The following ZNRF3 variants were observed in gnomAD, a reference collection of about 807,000 sequenced individuals.
ZNRF3 encodes E3 ubiquitin-protein ligase ZNRF3.
ZNRF3 carries 23 observed loss-of-function variants against 72.5 expected under a neutral mutation model. That is an observed-to-expected ratio of 0.32 (90% CI 0.23 to 0.45). The LOEUF is 0.45. Among genes scored for constraint, ZNRF3 ranks in the 20% least tolerant of loss-of-function variants. The probability of loss-of-function intolerance (pLI) is 1.00; values close to 1 mark genes in which losing one functional copy is unlikely to be tolerated. For synonymous variants in ZNRF3, 610 were observed against 545.3 expected (o/e 1.12, Z -1.65); for missense variants, 1,169 against 1,272.1 (o/e 0.92, Z 1.23).
At chr22:28,886,310 G>A (rs1452042419) in intron 1 of ZNRF3, among the ~76,000 whole-genome samples, 3 of 152,212 alleles carry the variant, frequency 2.0e-5, no homozygotes, top group Admixed American at 6.5e-5. Context: ...TTTTAGGGCC[G>A]CTGAGAGGGA....
At chr22:28,884,383 C>G (rs1473076798) in intron 1 of ZNRF3, among the ~76,000 whole-genome samples, 3 of 152,220 alleles carry the variant, frequency 2.0e-5, no homozygotes, top group African/African-American at 7.2e-5. Context: ...GGTGGAAGTC[C>G]CGGGAACTAC....
chr22:28,920,597 T>C (rs1055504489), intron 1 of ZNRF3, among the ~76,000 whole-genome samples: 4 of 152,228 alleles, frequency 2.6e-5, no homozygotes, highest in African/African-American at 9.6e-5. Context: ...TCAGTTATAT[T>C]TCAATACACA....
chr22:28,932,837 A>G (rs959472146), intron 1 of ZNRF3, among the ~76,000 whole-genome samples: 3 of 152,254 alleles, frequency 2.0e-5, no homozygotes, highest in Non-Finnish European at 2.9e-5. Flanking sequence ...GAAGAGATTC[A>G]TCAGGAGCTC....
chr22:28,932,058 G>A (rs951393078), intron 1 of ZNRF3, among the ~76,000 whole-genome samples: 1 of 152,210 alleles, frequency 6.6e-6, no homozygotes, highest in Non-Finnish European at 1.5e-5. Flanking sequence ...GGTGTAGTGC[G>A]TGGCACCTGT....
At chr22:28,925,464 T>C (rs2034583717) in intron 1 of ZNRF3, among the ~76,000 whole-genome samples, 1 of 152,144 alleles carries the variant, frequency 6.6e-6, no homozygotes, top group Non-Finnish European at 1.5e-5. Context: ...CCCATGCACA[T>C]TGAATTGTCT....
At position 28,991,448 on chromosome 22, in the gene ZNRF3, G is replaced by C. The variant is rs139570745; in HGVS notation, c.426+4247G>C. Among the ~76,000 whole-genome samples, 148 of 152,102 alleles carry C rather than the reference G, an allele frequency of 9.7e-4. 4 individuals carry two copies. In the South Asian group the frequency reaches 0.021, roughly 22 times the overall value. ...AGCCTTGGCTGACTGACCTCAGAAA[G>C]GGTACTTCATTCAGTTCTCGGTGCA... On this transcript the variant is annotated intron_variant, in intron 2 of 8. Coordinates refer to ENST00000544604, the MANE Select transcript of ZNRF3 (RefSeq NM_001206998.2).
chr22:29,013,962 G>C (rs1283203538), intron 2 of ZNRF3, among the ~76,000 whole-genome samples: 1 of 152,220 alleles, frequency 6.6e-6, no homozygotes, highest in Non-Finnish European at 1.5e-5. Context: ...ATTGGTGGTA[G>C]CCTTTCCCAG....
intron 2 of ZNRF3, among the ~76,000 whole-genome samples, chr22:28,988,017 C>T (rs919488679): frequency 6.6e-6 from 1 of 152,190 alleles, no homozygotes; most frequent in Non-Finnish European, 1.5e-5. Flanking sequence ...ATTACTTTGA[C>T]TGCAGTATAA....
chr22:28,917,791 C>T (rs1015677120), intron 1 of ZNRF3, among the ~76,000 whole-genome samples: 2 of 152,242 alleles, frequency 1.3e-5, no homozygotes, highest in African/African-American at 4.8e-5. Flanking sequence ...GGGAGGCCCC[C>T]TCCACAGGGT....
intron 1 of ZNRF3, among the ~76,000 whole-genome samples, chr22:28,948,386 G>A (rs1225110402): frequency 6.8e-6 from 1 of 147,566 alleles, no homozygotes; most frequent in Non-Finnish European, 1.5e-5. Context: ...GGGTGGTCTC[G>A]AACTCTTGGC....
Position 29,053,663 on chromosome 22 carries a change from G to GA in ZNRF3, c.*42dup, listed in dbSNP as rs2037249831. Reference sequence around the variant, plus strand: ...TTACCTGGAAATTGGGAACTGTATGGAGACTCCAAACTGACTTCTTTCAAA... The same window carrying GA: ...TTACCTGGAAATTGGGAACTGTATGGAAGACTCCAAACTGACTTCTTTCAAA... On this transcript the variant is annotated 3_prime_UTR_variant, in exon 9 of 9. Coordinates refer to ENST00000544604, the MANE Select transcript of ZNRF3 (RefSeq NM_001206998.2). 1 of 1,584,630 alleles carries GA rather than the reference G, an allele frequency of 6.3e-7. No homozygotes were observed. The highest frequency in any genetic ancestry group is 1.4e-5 in the African/African-American group (1 of 73,416).
intron 2 of ZNRF3, among the ~76,000 whole-genome samples, chr22:29,001,472 C>CTTTTTTTTTTTT (rs750297109): frequency 8.0e-6 from 1 of 125,004 alleles, no homozygotes. Context: ...ATTTTTTAAA[C>CTTTTTTTTTTTT]TTTTTTTTTT....
At chr22:29,013,818 T>C (rs1035449599) in intron 2 of ZNRF3, among the ~76,000 whole-genome samples, 7 of 152,198 alleles carry the variant, frequency 4.6e-5, no homozygotes, top group Non-Finnish European at 8.8e-5. Context: ...CGTGATGATA[T>C]GGAGTAAATT....
rs1264791178 is a variant in ZNRF3 at position 29,053,855 on chromosome 22, CAT to C, written c.*234_*235del. 6.6e-6 allele frequency: 3 copies of C among 457,754 alleles called. No individual in the cohort carries two copies. Among genetic ancestry groups the C allele is most frequent in the Admixed American group, 3.8e-5 (1 of 26,042 alleles). 28.4% of individuals were successfully genotyped at this position (457,754 alleles called of 1,614,324 possible). ...CCGAGTCCTTTGCCTCTTTTGATAA[CAT>C]GTTGTTCTGTTTTGTAAAGTGTGTG... On this transcript the variant is annotated 3_prime_UTR_variant, in exon 9 of 9. Coordinates refer to ENST00000544604, the MANE Select transcript of ZNRF3 (RefSeq NM_001206998.2).
intron 1 of ZNRF3, among the ~76,000 whole-genome samples, chr22:28,960,232 T>A (rs1003794415): frequency 6.6e-6 from 1 of 152,204 alleles, no homozygotes; most frequent in Non-Finnish European, 1.5e-5. Flanking sequence ...GTGGCTGGAC[T>A]GTGCATTTTT....
chr22:29,024,161 C>T (rs565338280), intron 2 of ZNRF3, among the ~76,000 whole-genome samples: 1 of 152,150 alleles, frequency 6.6e-6, no homozygotes, highest in South Asian at 2.1e-4. Context: ...GCAAGAAGTC[C>T]TTTTCTTAAT....
intron 1 of ZNRF3, among the ~76,000 whole-genome samples, chr22:28,954,939 C>A (rs1052666910): frequency 6.6e-6 from 1 of 151,806 alleles, no homozygotes; most frequent in Non-Finnish European, 1.5e-5. Context: ...ATCTTAAAAT[C>A]TGTGAAATGT....
intron 1 of ZNRF3, among the ~76,000 whole-genome samples, chr22:28,937,888 A>G (rs960817956): frequency 1.3e-5 from 2 of 152,194 alleles, no homozygotes; most frequent in African/African-American, 4.8e-5. Flanking sequence ...TTCTTTTGGA[A>G]TAGTTTTAGA....
intron 1 of ZNRF3, among the ~76,000 whole-genome samples, chr22:28,894,237 C>CGT (rs1049244627): frequency 1.6e-4 from 25 of 151,792 alleles, no homozygotes; most frequent in Admixed American, 1.6e-3. Flanking sequence ...AGACTATAGG[C>CGT]GTGAGCCACT....
Sources: gnomAD v4.1 joint callset for allele counts (sites outside exome capture counted in the v4.1 genomes callset) on GRCh38, gnomAD v4.1.1 for gene constraint, MANE v1.5 for transcripts, NCBI Gene and HGNC (gene_info 2026-07-23, HGNC 2026-07-21) for gene names.